The following GPC5 variants were observed in gnomAD, a reference collection of about 807,000 sequenced individuals.
GPC5 encodes the protein glypican-5.
GPC5 carries 47 observed loss-of-function variants against 53.9 expected under a neutral mutation model. That is an observed-to-expected ratio of 0.87 (90% CI 0.69 to 1.11). GPC5 has a LOEUF of 1.11. Among genes scored for constraint, GPC5 ranks in the 50% most tolerant of loss-of-function variants. The pLI is 0.00. For synonymous variants in GPC5, 286 were observed against 263.3 expected (o/e 1.09, Z -0.84); for missense variants, 748 against 713.1 (o/e 1.05, Z -0.56).
chr13:91,792,338 C>G (rs1295572622), intron 5 of GPC5, among the ~76,000 whole-genome samples: 8 of 152,128 alleles, frequency 5.3e-5, no homozygotes, highest in African/African-American at 1.9e-4. Flanking sequence ...GACAAAAGAG[C>G]AAAATGATAG....
At position 92,546,865 on chromosome 13, in the gene GPC5, A is replaced by C. The variant is rs192707178; in HGVS notation, c.1562-319417A>C. On this transcript the variant is annotated intron_variant, in intron 7 of 7. Transcript: ENST00000377067. ...ACAGAGCCCTCAGAAATAATGCCGC[A>C]TATCTACAACTATCTGATCTTTCAC... 2.0e-3 allele frequency among the ~76,000 whole-genome samples: 298 copies of C among 152,298 alleles called. 1 individual carries two copies. Among genetic ancestry groups the C allele is most frequent in the Non-Finnish European group, 3.5e-3 (241 of 68,028 alleles).
At chr13:92,169,680 C>T (rs2042055718) in intron 7 of GPC5, among the ~76,000 whole-genome samples, 1 of 151,972 alleles carries the variant, frequency 6.6e-6, no homozygotes, top group Admixed American at 6.6e-5. Flanking sequence ...AATCCAGTGT[C>T]TATGGGTATT....
intron 7 of GPC5, among the ~76,000 whole-genome samples, chr13:92,561,156 A>G (rs1882682913): frequency 6.6e-6 from 1 of 151,950 alleles, no homozygotes. Context: ...GTGTAACATA[A>G]TATGCACAGT....
At chr13:92,695,450 T>C (rs1344304500) in intron 7 of GPC5, among the ~76,000 whole-genome samples, 1 of 152,208 alleles carries the variant, frequency 6.6e-6, no homozygotes, top group African/African-American at 2.4e-5. Flanking sequence ...GCCTTTTCTA[T>C]GGGTGATAAC....
At chr13:92,278,682 G>A (rs1202536102) in intron 7 of GPC5, among the ~76,000 whole-genome samples, 2 of 151,900 alleles carry the variant, frequency 1.3e-5, no homozygotes, top group Admixed American at 6.6e-5. Context: ...TTAGGCTATG[G>A]TGCATTTTGA....
At chr13:91,779,965 T>C (rs2037773155) in intron 5 of GPC5, among the ~76,000 whole-genome samples, 2 of 152,362 alleles carry the variant, frequency 1.3e-5, no homozygotes, top group Admixed American at 6.5e-5. Flanking sequence ...CATAAACCGG[T>C]AACATAGCTG....
intron 6 of GPC5, among the ~76,000 whole-genome samples, chr13:91,973,105 A>C (rs1015874086): frequency 6.6e-6 from 1 of 152,166 alleles, no homozygotes; most frequent in East Asian, 1.9e-4. Context: ...CAGGTACACC[A>C]ATCAGATGTA....
intron 1 of GPC5, among the ~76,000 whole-genome samples, chr13:91,428,926 T>A (rs1008841733): frequency 6.6e-6 from 1 of 152,162 alleles, no homozygotes; most frequent in South Asian, 2.1e-4. Flanking sequence ...TGTTTTGTTT[T>A]CTTTTCTTTT....
rs554771770 is a variant in GPC5, at chr13:92,692,873, G to A, written c.1562-173409G>A. ...ATTAGTGATTATAAGCACTAATATG[G>A]TTTGGCTCTGCGTCCCCACCCAAAT... On this transcript the variant is annotated intron_variant, in intron 7 of 7. Coordinates refer to ENST00000377067, the MANE Select transcript of GPC5 (RefSeq NM_004466.6). Among the ~76,000 whole-genome samples, 567 of 149,462 alleles carry A rather than the reference G, an allele frequency of 3.8e-3. 11 individuals are homozygous for A. Among genetic ancestry groups the A allele is most frequent in the Non-Finnish European group, 1.7e-3 (115 of 67,666 alleles).
chr13:92,327,477 A>G lies in GPC5; in HGVS notation c.1561+182488A>G, dbSNP rs186044335. Among the ~76,000 whole-genome samples the G allele has an allele frequency of 7.2e-5, 11 of 152,286 alleles. No homozygotes were observed. The East Asian group carries it at 2.1e-3, about 29-fold the overall frequency. On this transcript the variant is annotated intron_variant, in intron 7 of 7. Transcript: ENST00000377067. ...AGATTTACCTGATAATCAGTACTCA[A>G]CCTATCAAAATAATGGCTGCCTTGG...
chr13:92,700,185 CTTAT>C (rs1443998131), intron 7 of GPC5, among the ~76,000 whole-genome samples: 1 of 151,020 alleles, frequency 6.6e-6, no homozygotes, highest in Non-Finnish European at 1.5e-5. Context: ...ATGTAATGCC[CTTAT>C]TTGTCTCTTT....
chr13:91,671,416 C>T (rs777677577), intron 2 of GPC5, among the ~76,000 whole-genome samples: 22 of 152,090 alleles, frequency 1.4e-4, no homozygotes, highest in African/African-American at 3.4e-4. Flanking sequence ...GATTTTTGCA[C>T]GTCGATTTTG....
At chr13:92,613,717 G>T (rs1359232379) in intron 7 of GPC5, among the ~76,000 whole-genome samples, 2 of 135,466 alleles carry the variant, frequency 1.5e-5, no homozygotes, top group Non-Finnish European at 3.1e-5. Flanking sequence ...TAAAATCAGG[G>T]CATGGTGGTA....
At chr13:91,442,388 A>G (rs1387042744) in intron 1 of GPC5, among the ~76,000 whole-genome samples, 2 of 152,024 alleles carry the variant, frequency 1.3e-5, no homozygotes, top group African/African-American at 4.8e-5. Flanking sequence ...CTCCTTTTTT[A>G]TTGTGATAAA....
chr13:92,283,523 A>C (rs1051182155), intron 7 of GPC5, among the ~76,000 whole-genome samples: 2 of 152,246 alleles, frequency 1.3e-5, no homozygotes, highest in African/African-American at 4.8e-5. Flanking sequence ...GTAAAAGAAC[A>C]GAAATTATAA....
At chr13:92,166,921 GTCTCTCTCTCTCTC>G (rs35310453) in intron 7 of GPC5, among the ~76,000 whole-genome samples, 60 of 128,514 alleles carry the variant, frequency 4.7e-4, no homozygotes, top group South Asian at 2.5e-3. Context: ...ATAAGTCTCA[GTCTCTCTCTCTCTC>G]TCTCTCTCTC....
intron 7 of GPC5, among the ~76,000 whole-genome samples, chr13:92,283,621 A>G (rs941318920): frequency 3.9e-5 from 6 of 152,226 alleles, no homozygotes; most frequent in African/African-American, 1.4e-4. Flanking sequence ...TGGAAACTGA[A>G]CAACCTGCTC....
intron 7 of GPC5, among the ~76,000 whole-genome samples, chr13:92,163,684 TGTTCAA>T (rs1316944789): frequency 6.6e-6 from 1 of 152,152 alleles, no homozygotes; most frequent in Middle Eastern, 3.2e-3. Flanking sequence ...CAGCAAAACT[TGTTCAA>T]GTTCAGTGAA....
intron 2 of GPC5, among the ~76,000 whole-genome samples, chr13:91,478,848 TTA>T (rs1264695958): frequency 2.0e-5 from 2 of 99,418 alleles, no homozygotes; most frequent in African/African-American, 3.8e-5. Context: ...TATATACACA[TTA>T]TATATATATA....
Sources: gnomAD v4.1 joint callset for allele counts (sites outside exome capture counted in the v4.1 genomes callset) on GRCh38, gnomAD v4.1.1 for gene constraint, MANE v1.5 for transcripts, NCBI Gene and HGNC (gene_info 2026-07-23, HGNC 2026-07-21) for gene names.